Variants in ADCY2 observed in about 807,000 individuals in gnomAD.
The protein encoded by ADCY2 is adenylate cyclase type 2.
Under a neutral mutation model 125.2 loss-of-function variants are expected in ADCY2, and 31 were observed. That is an observed-to-expected ratio of 0.25 (90% CI 0.19 to 0.33). ADCY2 has a LOEUF of 0.33. Among genes scored for constraint, ADCY2 ranks in the 10% least tolerant of loss-of-function variants. ADCY2 has a pLI of 1.00. For synonymous variants in ADCY2, 512 were observed against 548.4 expected, an observed-to-expected ratio of 0.93 and a Z score of 0.93; for missense variants, 904 against 1,418.2, an observed-to-expected ratio of 0.64 and a Z score of 5.82.
chr5:7,512,235 A>AAAAAAAAAAAAAAAAAAAAAC (rs1744093617), intron 2 of ADCY2, among the ~76,000 whole-genome samples: 1 of 150,206 alleles, frequency 6.7e-6, no homozygotes, highest in Non-Finnish European at 1.5e-5. Context: ...AAAAAAAAAA[A>AAAAAAAAAAAAAAAAAAAAAC]AAAAAGAAAA....
chr5:7,535,602 CT>C (rs1734788103), intron 3 of ADCY2, among the ~76,000 whole-genome samples: 1 of 152,178 alleles, frequency 6.6e-6, no homozygotes, highest in Non-Finnish European at 1.5e-5. Flanking sequence ...CATCCTCAAA[CT>C]TTGATGTTAT....
intron 2 of ADCY2, among the ~76,000 whole-genome samples, chr5:7,430,824 T>C (rs1740571471): frequency 6.6e-6 from 1 of 152,184 alleles, no homozygotes; most frequent in South Asian, 2.1e-4. Flanking sequence ...TAAATTTGAA[T>C]AGATATGTGC....
intron 24 of ADCY2, among the ~76,000 whole-genome samples, chr5:7,825,340 G>T (rs1042894473): frequency 6.6e-6 from 1 of 151,854 alleles, no homozygotes; most frequent in African/African-American, 2.4e-5. Context: ...ACACTGCTGT[G>T]TGCTGTAACA....
chr5:7,415,194 G>A (rs1472214865), intron 2 of ADCY2, among the ~76,000 whole-genome samples: 1 of 152,080 alleles, frequency 6.6e-6, no homozygotes, highest in Admixed American at 6.5e-5. Context: ...TATTAACTAT[G>A]GTCAGCATGT....
chr5:7,768,585 C>T (rs529993491), intron 17 of ADCY2, among the ~76,000 whole-genome samples: 6 of 152,056 alleles, frequency 3.9e-5, no homozygotes, highest in East Asian at 1.9e-4. Context: ...ATGTTTGAGC[C>T]GAACAACTCA....
At chr5:7,506,786 G>A (rs972903116) in intron 2 of ADCY2, among the ~76,000 whole-genome samples, 14 of 118,414 alleles carry the variant, frequency 1.2e-4, no homozygotes, top group African/African-American at 3.9e-4. Context: ...GTGATGCGTT[G>A]CTCTTTTTTT....
chr5:7,583,985 A>T (rs10070344), intron 3 of ADCY2, among the ~76,000 whole-genome samples: 97,092 of 151,872 alleles, frequency 0.64, 31,705 homozygotes, highest in Non-Finnish European at 0.69. Flanking sequence ...AAGTGTACTG[A>T]GTGATTTTTT....
chr5:7,510,309 T>A (rs1744006565), intron 2 of ADCY2, among the ~76,000 whole-genome samples: 1 of 152,232 alleles, frequency 6.6e-6, no homozygotes, highest in South Asian at 2.1e-4. Flanking sequence ...TGAGTAGAAC[T>A]GCATGGCAGA....
At chr5:7,825,815 G>A (rs945002119) in intron 24 of ADCY2, among the ~76,000 whole-genome samples, 17 of 152,234 alleles carry the variant, frequency 1.1e-4, no homozygotes, top group Admixed American at 1.0e-3. Context: ...CAGACAGGGT[G>A]TCCTAAGGAA....
chr5:7,633,789 C>T (rs1057062707), intron 4 of ADCY2, among the ~76,000 whole-genome samples: 1 of 152,110 alleles, frequency 6.6e-6, no homozygotes. Context: ...AAGGAGAGGA[C>T]CTGATTTTGA....
intron 3 of ADCY2, among the ~76,000 whole-genome samples, chr5:7,625,817 G>C (rs1048843845): frequency 5.9e-5 from 9 of 152,168 alleles, no homozygotes; most frequent in South Asian, 2.1e-4. Context: ...AGGTGCAAGA[G>C]AGTGACCTGA....
chr5:7,629,657 G>A (rs1160622474), intron 4 of ADCY2, among the ~76,000 whole-genome samples: 4 of 152,238 alleles, frequency 2.6e-5, no homozygotes, highest in Non-Finnish European at 5.9e-5. Flanking sequence ...TTTAGAAACA[G>A]AAGGTATTCA....
intron 4 of ADCY2, among the ~76,000 whole-genome samples, chr5:7,659,248 G>C (rs865859584): frequency 3.3e-5 from 5 of 152,202 alleles, no homozygotes; most frequent in African/African-American, 9.7e-5. Flanking sequence ...ATTCAATCCA[G>C]TTCCAGTTAA....
At chr5:7,570,639 G>T (rs1469817080) in intron 3 of ADCY2, among the ~76,000 whole-genome samples, 1 of 105,150 alleles carries the variant, frequency 9.5e-6, no homozygotes, top group African/African-American at 2.8e-5. Context: ...AAAAAAAAAT[G>T]CTTGTGTTTG....
At chr5:7,613,871 T>C (rs1046796001) in intron 3 of ADCY2, among the ~76,000 whole-genome samples, 1 of 152,196 alleles carries the variant, frequency 6.6e-6, no homozygotes, top group Non-Finnish European at 1.5e-5. Flanking sequence ...GATTTAATCT[T>C]CTTCCAAGAA....
intron 19 of ADCY2, among the ~76,000 whole-genome samples, chr5:7,786,327 G>A (rs1477083886): frequency 6.6e-6 from 1 of 152,088 alleles, no homozygotes; most frequent in African/African-American, 2.4e-5. Context: ...AAGGAGGGGA[G>A]GTATATCACA....
Position 7,789,945 on chromosome 5 carries a change from T to C in ADCY2, c.2628+145T>C, listed in dbSNP as rs1395355565. 9.3e-6 allele frequency: 6 copies of C among 642,190 alleles called. No homozygotes were observed. The East Asian group carries it at 1.1e-4, about 12-fold the overall frequency. The allele number at this position is 642,190 out of a possible 1,614,324, so 39.8% of individuals were successfully genotyped here. The stretch of plus-strand genomic sequence containing the variant: ...AATTGGCCAAGATTGGCTTGAATTG[T>C]TCAGTTTTCAAGGAGATATTGATTG... On this transcript the variant is annotated intron_variant, in intron 20 of 24. Transcript: ENST00000338316.
At position 7,789,688 on chromosome 5, in the gene ADCY2, A is replaced by G. The variant is rs748943169; in HGVS notation, c.2516A>G (p.Lys839Arg). ...GACTTCTTATGGAAGAACAAATTCA[A>G]AAAAGAGCGGGAGGAGATAGAGACC... ...RLDFLWKNKF[K>R]KEREEIETME... The change falls in exon 20 of 25, where the codon AAA becomes AGA. Residue 839 changes from lysine to arginine, a missense_variant. Coordinates refer to ENST00000338316, the MANE Select transcript of ADCY2 (RefSeq NM_020546.3). The G allele has an allele frequency of 6.2e-6, 10 of 1,613,988 alleles. No individual in the cohort carries two copies. The highest frequency in any genetic ancestry group is 4.4e-5 in the South Asian group (4 of 91,078).
At chr5:7,712,321 G>A (rs1741465612) in intron 10 of ADCY2, among the ~76,000 whole-genome samples, 1 of 152,090 alleles carries the variant, frequency 6.6e-6, no homozygotes, top group Non-Finnish European at 1.5e-5. Flanking sequence ...ATTTCTCTTG[G>A]GAACTACCAG....
Sources: gnomAD v4.1 joint callset for allele counts (sites outside exome capture counted in the v4.1 genomes callset) on GRCh38, gnomAD v4.1.1 for gene constraint, MANE v1.5 for transcripts, NCBI Gene and HGNC (gene_info 2026-07-23, HGNC 2026-07-21) for gene names.